Variants in EBF3 observed in about 807,000 individuals in gnomAD.
EBF3 encodes transcription factor COE3.
In EBF3, 18 loss-of-function variants were observed where a neutral mutation model predicts 77.1. The ratio of observed to expected loss-of-function variants is 0.23; its 90% CI spans 0.16 to 0.35. The LOEUF is 0.35. Ranked by LOEUF, EBF3 falls within the 10% of genes least tolerant of loss-of-function variation. EBF3 has a pLI of 1.00. For synonymous variants in EBF3, 350 were observed against 343.5 expected, an observed-to-expected ratio of 1.02 and a Z score of -0.21; for missense variants, 558 against 860.0, an observed-to-expected ratio of 0.65 and a Z score of 4.39.
rs1849989954 is a variant in EBF3 at position 129,840,905 on chromosome 10, A to G, written c.1500T>C (p.Ser500=). 2 of 1,614,102 alleles carry G rather than the reference A, an allele frequency of 1.2e-6. No individual in the cohort carries two copies. The highest frequency in any genetic ancestry group is 1.7e-6 in the Non-Finnish European group (2 of 1,180,026). Residue 500 remains serine, a synonymous_variant, in exon 14 of 17, where the codon AGT becomes AGC. Coordinates refer to ENST00000440978, the MANE Select transcript of EBF3 (RefSeq NM_001375380.1). The stretch of plus-strand genomic sequence containing the variant: ...ATCCAGGCGAGCCAGGGACCCCTAG[A>G]CTGGCCATGGCGCCACTTCCATATC... ...MNGYGSGAMA[S]LGVPGSPGFL... is the part of the protein sequence containing the mutation.
chr10:129,841,881 G>A lies in EBF3; in HGVS notation c.1372+235C>T, dbSNP rs1850085447. ...CTAGCAAATACCAGTGACCCGCATG[G>A]CATCCATTGGAGCTGCCGTTTTTAG... On this transcript the variant is annotated intron_variant, in intron 13 of 16. Coordinates refer to ENST00000440978, the MANE Select transcript of EBF3 (RefSeq NM_001375380.1). This position sits in a 1 kb window ranked among gnomAD's most constrained non-coding sequence, Gnocchi z 4.6. 6.6e-6 allele frequency among the ~76,000 whole-genome samples: 1 copy of A among 152,184 alleles called. No homozygotes were observed. Among genetic ancestry groups the A allele is most frequent in the African/African-American group, 2.4e-5 (1 of 41,438 alleles).
intron 6 of EBF3, among the ~76,000 whole-genome samples, chr10:129,917,011 A>T (rs1855925540): frequency 6.6e-6 from 1 of 152,258 alleles, no homozygotes; most frequent in African/African-American, 2.4e-5. Context: ...TCCATTAATA[A>T]TAAGTACAAT....
At chr10:129,933,354 G>A (rs1258967014) in intron 6 of EBF3, among the ~76,000 whole-genome samples, 4 of 152,244 alleles carry the variant, frequency 2.6e-5, no homozygotes, top group African/African-American at 9.6e-5. Flanking sequence ...CACCAGACGA[G>A]CTGGGACGCC....
Position 129,952,765 on chromosome 10 carries a change from T to TCATA in EBF3, c.554+4489_554+4492dup, listed in dbSNP as rs1858761520. Among the ~76,000 whole-genome samples the TCATA allele has an allele frequency of 6.6e-6, 1 of 152,166 alleles. No individual in the cohort carries two copies. Among genetic ancestry groups the TCATA allele is most frequent in the African/African-American group, 2.4e-5 (1 of 41,418 alleles). Reference sequence around the variant, plus strand: ...TGCTGTTTGTAAGGCTTGGTAATAATCATACATAATCGTTTGGAAATATAG... The same window carrying TCATA: ...TGCTGTTTGTAAGGCTTGGTAATAATCATACATACATAATCGTTTGGAAATATAG... On this transcript the variant is annotated intron_variant, in intron 6 of 16. Coordinates refer to ENST00000440978, the MANE Select transcript of EBF3 (RefSeq NM_001375380.1). The surrounding 1 kb of genome is among the most constrained non-coding windows in gnomAD (Gnocchi z 4.7).
intron 6 of EBF3, among the ~76,000 whole-genome samples, chr10:129,937,981 T>C (rs1192622863): frequency 6.6e-6 from 1 of 152,184 alleles, no homozygotes; most frequent in Admixed American, 6.5e-5. Context: ...GGGTACACTT[T>C]CACAAAATGC....
At position 129,963,286 on chromosome 10, in the gene EBF3, G is replaced by A. The variant is rs370027780; in HGVS notation, c.291+81C>T. On this transcript the variant is annotated intron_variant, in intron 2 of 16. Transcript: ENST00000440978. This position sits in a 1 kb window ranked among gnomAD's most constrained non-coding sequence, Gnocchi z 7.1. The stretch of plus-strand genomic sequence containing the variant: ...GGAGCCGAGCCCGCCGCCTAGGGGG[G>A]CACTCGAACCCCCGCGCACCGGCAC... 45 of 1,533,056 alleles carry A rather than the reference G, an allele frequency of 2.9e-5. No individual in the cohort carries two copies. Among genetic ancestry groups the A allele is most frequent in the Middle Eastern group, 4.6e-4 (2 of 4,324 alleles). 95.0% of individuals were successfully genotyped at this position (1,533,056 alleles called of 1,614,324 possible). A position where few individuals can be genotyped will look rare whatever the true frequency, so the allele number is the denominator to read the frequency against.
intron 7 of EBF3, among the ~76,000 whole-genome samples, chr10:129,874,380 G>T (rs1003970480): frequency 6.6e-6 from 1 of 152,168 alleles, no homozygotes. Context: ...GGTAGAGGGA[G>T]AAACGAAAAG....
chr10:129,883,938 C>A (rs1853388706), intron 6 of EBF3, among the ~76,000 whole-genome samples: 1 of 152,156 alleles, frequency 6.6e-6, no homozygotes, highest in Non-Finnish European at 1.5e-5. Context: ...CTTCAGCGAA[C>A]AAAAAACGTC....
Position 129,873,555 on chromosome 10 carries a change from C to T in EBF3, c.678G>A (p.Leu226=), listed in dbSNP as rs1852552916. The T allele has an allele frequency of 1.3e-6, 2 of 1,575,722 alleles. No individual in the cohort carries two copies. Among genetic ancestry groups the T allele is most frequent in the Non-Finnish European group, 1.7e-6 (2 of 1,158,944 alleles). The part of the protein sequence containing the change: ...STTVNVDGHV[L]AVSDNMFVHN... The stretch of plus-strand genomic sequence containing the variant: ...GCACAAACATGTTGTCTGACACGGC[C>T]AGCACGTGGCCGTCCACGTTGACTG... The change falls in exon 8 of 17, where the codon CTG becomes CTA. Residue 226 remains leucine (L), a synonymous_variant. Transcript: ENST00000440978.
chr10:129,867,975 TCGGCCACCGCGCGTCCCG>T lies in EBF3; in HGVS notation c.782-81_782-64del, dbSNP rs369454939. 7.8e-4 allele frequency: 1,240 copies of T among 1,586,316 alleles called. 12 individuals are homozygous for T. The highest frequency in any genetic ancestry group is 7.7e-3 in the South Asian group (692 of 89,738). ...CCGTCCTCCTCCGACGCTGGGCCGC[TCGGCCACCGCGCGTCCCG>T]CGGCCACCGCGGGAGGAGAGGCGCG... On this transcript the variant is annotated intron_variant, in intron 8 of 16. Transcript: ENST00000440978.
At chr10:129,921,166 T>A (rs1466091210) in intron 6 of EBF3, among the ~76,000 whole-genome samples, 2 of 152,066 alleles carry the variant, frequency 1.3e-5, no homozygotes, top group Non-Finnish European at 2.9e-5. Flanking sequence ...GAAAAAGAAA[T>A]CACTTTCGAT....
At chr10:129,880,298 G>A (rs1206278451) in intron 6 of EBF3, among the ~76,000 whole-genome samples, 1 of 151,762 alleles carries the variant, frequency 6.6e-6, no homozygotes, top group Non-Finnish European at 1.5e-5. Flanking sequence ...ATACACACAT[G>A]CCACCCACAC....
At chr10:129,958,726 T>G (rs1859231888) in intron 5 of EBF3, among the ~76,000 whole-genome samples, 1 of 152,182 alleles carries the variant, frequency 6.6e-6, no homozygotes, top group South Asian at 2.1e-4. Context: ...TCCGCTCTGC[T>G]GAGCAGCGGG....
chr10:129,945,604 T>A (rs926019438), intron 6 of EBF3, among the ~76,000 whole-genome samples: 2 of 152,224 alleles, frequency 1.3e-5, no homozygotes, highest in Non-Finnish European at 2.9e-5. Flanking sequence ...GCAGAAGCGG[T>A]GCAGGATCCC....
rs1589813643 is a variant in EBF3 at position 129,897,663 on chromosome 10, C to T, written c.555-19814G>A. ...GTGCCTGCCTCAGAGCCCTGACGGA[C>T]AGCTGACATTCTCCTATTTATTATC... is the stretch of plus-strand genomic sequence containing the variant. On this transcript the variant is annotated intron_variant, in intron 6 of 16. Coordinates refer to ENST00000440978, the MANE Select transcript of EBF3 (RefSeq NM_001375380.1). The surrounding 1 kb of genome is among the most constrained non-coding windows in gnomAD (Gnocchi z 4.6). Among the ~76,000 whole-genome samples, 1 of 152,216 alleles carries T rather than the reference C, an allele frequency of 6.6e-6. No individual in the cohort carries two copies.
chr10:129,843,226 T>C, intron 11 of EBF3, 24 bp from the exon 12 acceptor site: 1 of 1,600,166 alleles, frequency 6.2e-7, no homozygotes, highest in Non-Finnish European at 8.5e-7. Flanking sequence ...AGACAGGAGG[T>C]GATTCATGGG....
intron 6 of EBF3, among the ~76,000 whole-genome samples, chr10:129,930,594 C>T (rs1856945648): frequency 1.4e-5 from 2 of 145,064 alleles, no homozygotes; most frequent in Admixed American, 6.9e-5. Flanking sequence ...AACAAATCCC[C>T]CTCTCATATA....
chr10:129,943,407 G>A lies in EBF3; in HGVS notation c.554+13851C>T, dbSNP rs1857931836. Among the ~76,000 whole-genome samples, 1 of 152,190 alleles carries A rather than the reference G, an allele frequency of 6.6e-6. No homozygotes were observed. Among genetic ancestry groups the A allele is most frequent in the Non-Finnish European group, 1.5e-5 (1 of 68,040 alleles). On this transcript the variant is annotated intron_variant, in intron 6 of 16. Coordinates refer to ENST00000440978, the MANE Select transcript of EBF3 (RefSeq NM_001375380.1). The surrounding 1 kb of genome is among the most constrained non-coding windows in gnomAD (Gnocchi z 8.8). The stretch of plus-strand genomic sequence containing the variant: ...AGAAGGTTGTCTTATAGGCTTGGCT[G>A]GATAATTTCATTTTAAAAGTATCGC...
Position 129,867,182 on chromosome 10 carries a change from T to C in EBF3, c.998A>G (p.Lys333Arg). 3 of 1,614,106 alleles carry C rather than the reference T, an allele frequency of 1.9e-6. No homozygotes were observed. Among genetic ancestry groups the C allele is most frequent in the Non-Finnish European group, 2.5e-6 (3 of 1,180,018 alleles). ...VVEVTLSYKS[K>R]QFCKGAPGRF... Reference sequence around the variant, plus strand: ...CCCAGGAGCACCTTTGCAGAACTGCTTGGATTTGTAGGAGAGGGTCACTTC... The same window carrying C: ...CCCAGGAGCACCTTTGCAGAACTGCCTGGATTTGTAGGAGAGGGTCACTTC... Residue 333 changes from lysine to arginine, a missense_variant, in exon 10 of 17, where the codon AAG becomes AGG. Around this residue, in one of 5 missense-constraint regions of EBF3, gnomAD observed 112 missense variants for 207.7 expected, o/e 0.54. Coordinates refer to ENST00000440978, the MANE Select transcript of EBF3 (RefSeq NM_001375380.1).
Sources: gnomAD v4.1 joint callset for allele counts (sites outside exome capture counted in the v4.1 genomes callset) on GRCh38, gnomAD v4.1.1 for gene constraint, gnomAD v4.1.1 regional missense constraint, Gnocchi (gnomAD v3.1) non-coding constraint, MANE v1.5 for transcripts, NCBI Gene and HGNC (gene_info 2026-07-23, HGNC 2026-07-21) for gene names.